NLGN1: variants seen among roughly 807,000 people sequenced by gnomAD.
NLGN1 encodes the protein neuroligin-1.
In NLGN1, 12 loss-of-function variants were observed where a neutral mutation model predicts 65.5. That is an observed-to-expected ratio of 0.18 (90% CI 0.12 to 0.30). The LOEUF is 0.30. Ranked by LOEUF, NLGN1 falls within the 10% of genes least tolerant of loss-of-function variation. The pLI, the probability that NLGN1 is intolerant of heterozygous loss-of-function variation, is 1.00. For missense variants in NLGN1, 750 were observed against 1,007.1 expected, an observed-to-expected ratio of 0.74 and a Z score of 3.46; for synonymous variants, 350 against 359.5, an observed-to-expected ratio of 0.97 and a Z score of 0.30.
chr3:174,123,212 A>C (rs1280125918), intron 4 of NLGN1, among the ~76,000 whole-genome samples: 2 of 152,184 alleles, frequency 1.3e-5, no homozygotes, highest in Non-Finnish European at 2.9e-5. Context: ...AGCCATTTGC[A>C]TGCAGGTTTT....
intron 4 of NLGN1, among the ~76,000 whole-genome samples, chr3:174,020,077 T>A (rs958910175): frequency 1.3e-5 from 2 of 152,168 alleles, no homozygotes; most frequent in Non-Finnish European, 2.9e-5. Flanking sequence ...ACACTTCTTT[T>A]GAAAATTTTT....
chr3:174,239,880 AAAT>A (rs762186674), intron 4 of NLGN1, among the ~76,000 whole-genome samples: 15 of 152,218 alleles, frequency 9.9e-5, no homozygotes, highest in Admixed American at 2.0e-4. Context: ...ATTAAAAGTA[AAAT>A]AATATTTTTC....
At chr3:174,119,805 A>G (rs1717359185) in intron 4 of NLGN1, among the ~76,000 whole-genome samples, 1 of 152,210 alleles carries the variant, frequency 6.6e-6, no homozygotes, top group Admixed American at 6.5e-5. Context: ...GTTCAACCCA[A>G]AGAAATTCCT....
chr3:174,115,713 C>T (rs1369980242), intron 4 of NLGN1, among the ~76,000 whole-genome samples: 2 of 152,216 alleles, frequency 1.3e-5, no homozygotes, highest in South Asian at 4.1e-4. Flanking sequence ...CTCTTACATC[C>T]AGATGTCACA....
chr3:174,275,402 T>C (rs1345780206), exon 5 of NLGN1: 4 of 1,612,600 alleles, frequency 2.5e-6, no homozygotes, highest in Non-Finnish European at 3.4e-6. Context: ...AGTGAAAACA[T>C]TGGATTCTTT....
Position 173,947,149 on chromosome 3 carries a change from C to T in NLGN1, c.646+139317C>T, listed in dbSNP as rs193175592. On this transcript the variant is annotated intron_variant, in intron 4 of 6. Transcript: ENST00000457714. Reference sequence around the variant, plus strand: ...TGATCTCGGCTCACCGCAACCTCTGCCTCCCGGGTTCAAACGATTCTTGCC... The same window carrying T: ...TGATCTCGGCTCACCGCAACCTCTGTCTCCCGGGTTCAAACGATTCTTGCC... 4.3e-4 allele frequency among the ~76,000 whole-genome samples: 64 copies of T among 149,542 alleles called. 1 individual carries two copies. Among genetic ancestry groups the T allele is most frequent in the Middle Eastern group, 3.5e-3 (1 of 288 alleles).
At chr3:173,525,981 A>AT (rs1229941062) in intron 2 of NLGN1, among the ~76,000 whole-genome samples, 1 of 151,962 alleles carries the variant, frequency 6.6e-6, no homozygotes, top group Non-Finnish European at 1.5e-5. Flanking sequence ...TATGATTTTT[A>AT]TTTTTTTGAA....
intron 2 of NLGN1, among the ~76,000 whole-genome samples, chr3:173,602,083 G>A (rs1351759132): frequency 6.6e-6 from 1 of 151,978 alleles, no homozygotes; most frequent in Non-Finnish European, 1.5e-5. Context: ...TAGCTAAGAG[G>A]CCCTGGCCAA....
intron 3 of NLGN1, among the ~76,000 whole-genome samples, chr3:173,764,121 A>G (rs777028392): frequency 2.0e-5 from 3 of 152,182 alleles, no homozygotes; most frequent in Non-Finnish European, 4.4e-5. Flanking sequence ...TGAATGTCAA[A>G]CAAACAACAA....
At chr3:174,105,757 C>T (rs1420468396) in intron 4 of NLGN1, among the ~76,000 whole-genome samples, 3 of 142,352 alleles carry the variant, frequency 2.1e-5, no homozygotes, top group Non-Finnish European at 4.7e-5. Context: ...CCACATTTTA[C>T]CTAATGAAGT....
rs1366915553 is a variant in NLGN1, at chr3:173,436,664, T to A, written c.-321+1586T>A. ...CTTGAGAAGCTAACCTTGACTTCTATAAGTTACATCCACCCAGGCCCCCTT... is the reference window on the plus strand; with the variant it reads ...CTTGAGAAGCTAACCTTGACTTCTAAAAGTTACATCCACCCAGGCCCCCTT... On this transcript the variant is annotated intron_variant, in intron 2 of 6. Transcript: ENST00000457714. Among the ~76,000 whole-genome samples, 4 of 152,342 alleles carry A rather than the reference T, an allele frequency of 2.6e-5. No individual in the cohort carries two copies. In the East Asian group the frequency reaches 7.7e-4, roughly 29 times the overall value.
intron 2 of NLGN1, among the ~76,000 whole-genome samples, chr3:173,578,179 T>TGAGCTGA (rs537581660): frequency 2.7e-5 from 4 of 148,134 alleles, no homozygotes; most frequent in African/African-American, 1.0e-4. Context: ...GAGTTTGCAG[T>TGAGCTGA]GAGCTGAGAT....
At chr3:174,018,315 A>G (rs1727035235) in intron 4 of NLGN1, among the ~76,000 whole-genome samples, 1 of 152,132 alleles carries the variant, frequency 6.6e-6, no homozygotes, top group Non-Finnish European at 1.5e-5. Flanking sequence ...CTGAGGTGAC[A>G]TACATCCTCA....
chr3:173,596,632 T>G (rs1749536737), intron 2 of NLGN1, among the ~76,000 whole-genome samples: 1 of 114,668 alleles, frequency 8.7e-6, no homozygotes, highest in Non-Finnish European at 1.8e-5. Context: ...GTTAATCCAG[T>G]TATTATTACA....
At chr3:173,436,816 G>A (rs923198570) in intron 2 of NLGN1, among the ~76,000 whole-genome samples, 3 of 152,148 alleles carry the variant, frequency 2.0e-5, no homozygotes, top group African/African-American at 4.8e-5. Flanking sequence ...ATGATTTCTA[G>A]CAGTTACTAC....
intron 4 of NLGN1, among the ~76,000 whole-genome samples, chr3:174,079,281 G>GA (rs368654301): frequency 6.6e-6 from 1 of 151,980 alleles, no homozygotes; most frequent in Non-Finnish European, 1.5e-5. Context: ...ACACTCATAT[G>GA]AAAAAAAGCT....
intron 4 of NLGN1, among the ~76,000 whole-genome samples, chr3:174,110,442 G>T (rs1714938591): frequency 6.6e-6 from 1 of 151,942 alleles, no homozygotes. Context: ...CCGACATCCA[G>T]AAAAAGCGTA....
intron 1 of NLGN1, among the ~76,000 whole-genome samples, chr3:173,414,554 A>C (rs1713280509): frequency 6.6e-6 from 1 of 151,790 alleles, no homozygotes; most frequent in African/African-American, 2.4e-5. Context: ...GACTAGAACT[A>C]CATTATATGA....
intron 4 of NLGN1, among the ~76,000 whole-genome samples, chr3:174,169,854 C>A (rs1039029377): frequency 2.0e-5 from 3 of 152,168 alleles, no homozygotes; most frequent in Non-Finnish European, 4.4e-5. Context: ...GAAATGTCTG[C>A]AGCTTTTCCC....
Sources: allele counts gnomAD v4.1 joint callset (sites outside exome capture counted in the v4.1 genomes callset), GRCh38; gene constraint gnomAD v4.1.1; transcripts MANE v1.5; gene names NCBI Gene and HGNC (gene_info 2026-07-23, HGNC 2026-07-21).